The following ABI3BP variants were observed in gnomAD, a reference collection of about 807,000 sequenced individuals.
ABI3BP encodes the protein target of Nesh-SH3.
In ABI3BP, 216 loss-of-function variants were observed where a neutral mutation model predicts 268.6. The ratio of observed to expected loss-of-function variants is 0.80; its 90% CI spans 0.72 to 0.90. ABI3BP has a LOEUF of 0.90. Among genes scored for constraint, ABI3BP ranks in the 40% least tolerant of loss-of-function variants. ABI3BP has a pLI of 0.00. For missense variants in ABI3BP, 2,090 were observed against 2,182.4 expected, an observed-to-expected ratio of 0.96 and a Z score of 0.84; for synonymous variants, 730 against 730.0, an observed-to-expected ratio of 1.00 and a Z score of 0.00.
intron 4 of ABI3BP, among the ~76,000 whole-genome samples, chr3:100,894,935 C>A (rs72928364): frequency 4.9e-5 from 2 of 41,220 alleles, no homozygotes; most frequent in Admixed American, 3.7e-4. Flanking sequence ...CGGGATTCCG[C>A]TTCAAAAAAA....
intron 28 of ABI3BP, 54 bp from the exon 29 acceptor site, chr3:100,834,827 G>A: frequency 1.4e-6 from 2 of 1,470,690 alleles, no homozygotes; most frequent in Non-Finnish European, 1.8e-6. Flanking sequence ...ACCAAAGAAA[G>A]GATTACACAT....
At chr3:100,988,873 C>T (rs2092441050) in intron 1 of ABI3BP, among the ~76,000 whole-genome samples, 1 of 152,170 alleles carries the variant, frequency 6.6e-6, no homozygotes, top group African/African-American at 2.4e-5. Flanking sequence ...TAGTCATTTG[C>T]CACTTTCTAG....
At chr3:100,849,384 C>T (rs747373882) in intron 17 of ABI3BP, among the ~76,000 whole-genome samples, 7 of 151,782 alleles carry the variant, frequency 4.6e-5, no homozygotes, top group Non-Finnish European at 7.4e-5. Flanking sequence ...CCATGACGTC[C>T]GGCTAATTTT....
chr3:100,847,813 G>A, intron 18 of ABI3BP, 140 bp from the exon 19 acceptor site: 1 of 712,186 alleles, frequency 1.4e-6, no homozygotes, highest in Non-Finnish European at 2.4e-6. Context: ...TTTTGAGGAA[G>A]AATTGTTAAA....
At chr3:100,778,744 T>C (rs1048750773) in intron 58 of ABI3BP, 1 of 194,804 alleles carries the variant, frequency 5.1e-6, no homozygotes, top group Admixed American at 6.0e-5. Context: ...ACACAAAATG[T>C]AACAATTATT....
chr3:100,850,008 T>G, intron 17 of ABI3BP, 37 bp downstream of exon 17: 1 of 1,558,382 alleles, frequency 6.4e-7, no homozygotes, highest in Non-Finnish European at 8.8e-7. Flanking sequence ...ACCTGTTTCG[T>G]CAATGCATAC....
Position 100,814,509 on chromosome 3 carries a change from C to T in ABI3BP, c.3290-774G>A, listed in dbSNP as rs1442568636. On this transcript the variant is annotated intron_variant, in intron 44 of 67. Transcript: ENST00000471714. ...ACTACTCTCTGTCATCAGCCCACAT[C>T]GTTCCTTGACTCCTGTAAATATTTT... Among the ~76,000 whole-genome samples, 6 of 152,050 alleles carry T rather than the reference C, an allele frequency of 3.9e-5. No homozygotes were observed. In the South Asian group the frequency reaches 8.3e-4, roughly 21 times the overall value.
Position 100,812,528 on chromosome 3 carries a change from T to A in ABI3BP, c.3365-5A>T. On this transcript the variant is annotated splice_polypyrimidine_tract_variant and splice_region_variant and intron_variant, in intron 45 of 67. Transcript: ENST00000471714. ...CCGATTCCAGAACATCAGAAACTAG[T>A]AAAAAACAGAAAATGGTACAATTGA... 7.6e-7 allele frequency: 1 copy of A among 1,324,438 alleles called. No homozygotes were observed. The highest frequency in any genetic ancestry group is 2.3e-5 in the South Asian group (1 of 43,698). 82.0% of individuals were successfully genotyped at this position (1,324,438 alleles called of 1,614,324 possible).
chr3:100,874,010 A>C (rs12494604), intron 9 of ABI3BP, among the ~76,000 whole-genome samples: 37,295 of 152,118 alleles, frequency 0.25, 5,457 homozygotes, highest in African/African-American at 0.4. Context: ...CAATTTCTAC[A>C]GCACCATTTC....
intron 51 of ABI3BP, among the ~76,000 whole-genome samples, chr3:100,801,524 A>G (rs1352649694): frequency 2.0e-5 from 3 of 152,004 alleles, no homozygotes; most frequent in African/African-American, 7.2e-5. Flanking sequence ...AGAGATTTTG[A>G]GGCAAAGAGG....
At chr3:100,793,298 C>T (rs1450786256) in intron 54 of ABI3BP, among the ~76,000 whole-genome samples, 2 of 151,982 alleles carry the variant, frequency 1.3e-5, no homozygotes, top group Non-Finnish European at 2.9e-5. Flanking sequence ...GCAATACTCC[C>T]ATTCCCATGT....
At position 100,818,422 on chromosome 3, in the gene ABI3BP, G is replaced by A. The variant is rs527372970; in HGVS notation, c.3088+103C>T. The A allele has an allele frequency of 2.0e-5, 20 of 984,564 alleles. No homozygotes were observed. The African/African-American group carries it at 2.4e-4, about 12-fold the overall frequency. The allele number at this position is 984,564 out of a possible 1,614,324, so 61.0% of individuals were successfully genotyped here. On this transcript the variant is annotated intron_variant, in intron 41 of 67. Transcript: ENST00000471714. ...AAGATAAAGACTATAATGGAATGAT[G>A]ACAAAGAATGACAGGATGGTCTTAT...
intron 10 of ABI3BP, among the ~76,000 whole-genome samples, chr3:100,866,361 T>C (rs2099051127): frequency 6.6e-6 from 1 of 152,244 alleles, no homozygotes; most frequent in Admixed American, 6.5e-5. Context: ...ATGGAGAAAA[T>C]GCTTACTGCA....
At chr3:100,786,429 T>A (rs2097047530) in intron 57 of ABI3BP, among the ~76,000 whole-genome samples, 1 of 152,202 alleles carries the variant, frequency 6.6e-6, no homozygotes, top group African/African-American at 2.4e-5. Flanking sequence ...AATATTTATA[T>A]TGTTGATAAG....
intron 34 of ABI3BP, among the ~76,000 whole-genome samples, chr3:100,826,227 A>T (rs975390552): frequency 6.6e-6 from 1 of 152,174 alleles, no homozygotes; most frequent in Non-Finnish European, 1.5e-5. Context: ...GAGAAACCAC[A>T]CTTGCAGACA....
chr3:100,938,300 T>TAA (rs35474962), intron 1 of ABI3BP, among the ~76,000 whole-genome samples: 41,723 of 144,278 alleles, frequency 0.29, 6,692 homozygotes, highest in East Asian at 0.5. Flanking sequence ...ACCTAAAAGT[T>TAA]AAAAAAAAAA....
Position 100,834,697 on chromosome 3 carries a change from C to T in ABI3BP, c.2268G>A (p.Leu756=). 1 of 1,535,590 alleles carries T rather than the reference C, an allele frequency of 6.5e-7. No homozygotes were observed. The highest frequency in any genetic ancestry group is 8.7e-7 in the Non-Finnish European group (1 of 1,146,478). Residue 756 remains leucine, a synonymous_variant, in exon 29 of 68, where the codon CTG becomes CTA. Coordinates refer to ENST00000471714, the MANE Select transcript of ABI3BP (RefSeq NM_001375547.2). Reference sequence around the variant, plus strand: ...CATATTATTTACCTAGTTTGGTCTGCAGTGTCTCTGGGCGTGGCGTGGTTT... The same window carrying T: ...CATATTATTTACCTAGTTTGGTCTGTAGTGTCTCTGGGCGTGGCGTGGTTT... ...KHKTTPRPET[L]QTKLDFGPIT...
intron 67 of ABI3BP, among the ~76,000 whole-genome samples, chr3:100,750,818 T>C (rs1458187103): frequency 6.6e-6 from 1 of 152,126 alleles, no homozygotes; most frequent in Non-Finnish European, 1.5e-5. Flanking sequence ...TTGTTGACAT[T>C]TGCCGTGTCA....
At chr3:100,904,468 A>G (rs2052231865) in intron 2 of ABI3BP, among the ~76,000 whole-genome samples, 3 of 152,226 alleles carry the variant, frequency 2.0e-5, no homozygotes, top group African/African-American at 7.2e-5. Context: ...ATGCATTATC[A>G]TATAATTCCA....
Sources: gnomAD v4.1 joint callset for allele counts (sites outside exome capture counted in the v4.1 genomes callset) on GRCh38, gnomAD v4.1.1 for gene constraint, MANE v1.5 for transcripts, NCBI Gene and HGNC (gene_info 2026-07-23, HGNC 2026-07-21) for gene names.